LRRTM4: variants seen among roughly 807,000 people sequenced by gnomAD.
LRRTM4 encodes the protein leucine-rich repeat transmembrane neuronal protein 4.
Under a neutral mutation model 47.6 loss-of-function variants are expected in LRRTM4, and 25 were observed. The ratio of observed to expected loss-of-function variants is 0.53; its 90% CI spans 0.38 to 0.73. The LOEUF (loss-of-function observed/expected upper bound fraction) is 0.73, where lower values mean the gene tolerates loss of function less well. LRRTM4 is among the 30% of genes least tolerant of loss of function. The probability of loss-of-function intolerance (pLI) is 0.00; values close to 1 mark genes in which losing one functional copy is unlikely to be tolerated. For synonymous variants in LRRTM4, 311 were observed against 269.5 expected (o/e 1.15, Z -1.51); for missense variants, 638 against 713.4 (o/e 0.89, Z 1.20).
chr2:76,812,673 C>CTCTCTTTCTTTCTTTCTT (rs1670767696), intron 3 of LRRTM4, among the ~76,000 whole-genome samples: 2 of 147,934 alleles, frequency 1.4e-5, no homozygotes, highest in East Asian at 4.1e-4. Flanking sequence ...TACAAATAAG[C>CTCTCTTTCTTTCTTTCTT]TCTTTCTTTC....
chr2:77,204,250 T>C (rs1401138426), intron 3 of LRRTM4, among the ~76,000 whole-genome samples: 1 of 152,142 alleles, frequency 6.6e-6, no homozygotes, highest in Non-Finnish European at 1.5e-5. Flanking sequence ...CTTGCTCATG[T>C]ATAAAGAAAA....
intron 3 of LRRTM4, among the ~76,000 whole-genome samples, chr2:76,991,145 A>T (rs1003479185): frequency 6.6e-6 from 1 of 151,796 alleles, no homozygotes; most frequent in African/African-American, 2.4e-5. Context: ...CAACATAGGC[A>T]GTGTTAAGAG....
At chr2:76,972,841 T>C (rs75170359) in intron 3 of LRRTM4, among the ~76,000 whole-genome samples, 5,762 of 152,070 alleles carry the variant, frequency 0.038, 245 homozygotes, top group East Asian at 0.14. Flanking sequence ...TGTGTCTGAT[T>C]TATTATGTCA....
intron 3 of LRRTM4, among the ~76,000 whole-genome samples, chr2:77,207,866 CT>C (rs754540782): frequency 2.1e-3 from 88 of 42,608 alleles, no homozygotes; most frequent in African/African-American, 5.4e-3. Flanking sequence ...GGGAAAGTGG[CT>C]TTTTTTTTTT....
At chr2:76,807,654 C>G (rs984386116) in intron 3 of LRRTM4, among the ~76,000 whole-genome samples, 6 of 149,094 alleles carry the variant, frequency 4.0e-5, no homozygotes, top group Admixed American at 4.0e-4. Context: ...TGCAACGGTG[C>G]GATCTCAGCT....
chr2:76,969,407 C>A (rs1462161140), intron 3 of LRRTM4, among the ~76,000 whole-genome samples: 1 of 151,788 alleles, frequency 6.6e-6, no homozygotes, highest in Admixed American at 6.6e-5. Flanking sequence ...CCTCCAGAGG[C>A]AAATATTTAA....
At chr2:77,279,438 A>G (rs923588593) in intron 3 of LRRTM4, among the ~76,000 whole-genome samples, 1 of 151,926 alleles carries the variant, frequency 6.6e-6, no homozygotes, top group African/African-American at 2.4e-5. Context: ...CTGCTCTCCT[A>G]TGCATATGTT....
intron 3 of LRRTM4, among the ~76,000 whole-genome samples, chr2:77,434,067 T>G (rs1675491794): frequency 6.6e-6 from 1 of 152,110 alleles, no homozygotes; most frequent in Non-Finnish European, 1.5e-5. Flanking sequence ...GTAGACATAA[T>G]TGTCCAATGG....
chr2:76,817,616 C>T (rs1393340976), intron 3 of LRRTM4, among the ~76,000 whole-genome samples: 3 of 151,900 alleles, frequency 2.0e-5, no homozygotes, highest in Non-Finnish European at 2.9e-5. Flanking sequence ...TTCTTGGCAC[C>T]AGAAGTTCTG....
intron 3 of LRRTM4, among the ~76,000 whole-genome samples, chr2:76,834,753 T>C (rs1671459655): frequency 1.3e-5 from 2 of 152,072 alleles, no homozygotes; most frequent in African/African-American, 4.8e-5. Context: ...AGAAAATGTA[T>C]AGATCTCTTT....
chr2:76,774,280 C>T (rs1285552928), intron 3 of LRRTM4, among the ~76,000 whole-genome samples: 1 of 151,728 alleles, frequency 6.6e-6, no homozygotes, highest in Non-Finnish European at 1.5e-5. Context: ...CAACTTCTGA[C>T]TCCCCGGTTC....
intron 3 of LRRTM4, among the ~76,000 whole-genome samples, chr2:76,966,746 A>G (rs1376850085): frequency 6.6e-6 from 1 of 151,494 alleles, no homozygotes; most frequent in Non-Finnish European, 1.5e-5. Flanking sequence ...TACCAATTCC[A>G]ACATGATTTT....
intron 3 of LRRTM4, among the ~76,000 whole-genome samples, chr2:77,121,050 C>T (rs529340864): frequency 5.3e-4 from 80 of 151,648 alleles, no homozygotes; most frequent in Non-Finnish European, 9.2e-4. Context: ...AAGATAATGA[C>T]GAGAGGATGA....
chr2:77,497,912 C>T (rs1438906960), intron 3 of LRRTM4, among the ~76,000 whole-genome samples: 1 of 151,422 alleles, frequency 6.6e-6, no homozygotes, highest in African/African-American at 2.4e-5. Flanking sequence ...ATGTAATGTC[C>T]TATACTATGT....
rs147243475 is a variant in LRRTM4 at position 76,794,116 on chromosome 2, A to G, written c.1552-45200T>C. 3.9e-5 allele frequency among the ~76,000 whole-genome samples: 6 copies of G among 152,262 alleles called. No homozygotes were observed. In the East Asian group the frequency reaches 1.2e-3, roughly 29 times the overall value. On this transcript the variant is annotated intron_variant, in intron 3 of 3. Coordinates refer to ENST00000409884, the MANE Select transcript of LRRTM4 (RefSeq NM_001134745.3). ...GAGCCACATCCCACATGGAGCGAAGATTTGATTTTATGGAATGATTGATGA... is the reference window on the plus strand; with the variant it reads ...GAGCCACATCCCACATGGAGCGAAGGTTTGATTTTATGGAATGATTGATGA...
intron 3 of LRRTM4, among the ~76,000 whole-genome samples, chr2:77,143,677 A>T (rs1307237436): frequency 6.6e-6 from 1 of 152,238 alleles, no homozygotes; most frequent in Non-Finnish European, 1.5e-5. Context: ...TCTGCAAGAT[A>T]TGCATATGAA....
intron 3 of LRRTM4, among the ~76,000 whole-genome samples, chr2:76,817,395 C>G (rs893279088): frequency 7.2e-5 from 11 of 151,892 alleles, no homozygotes; most frequent in South Asian, 2.1e-4. Flanking sequence ...AACAATGAAA[C>G]CTGTGCAAAG....
chr2:77,159,246 G>A (rs1226886057), intron 3 of LRRTM4, among the ~76,000 whole-genome samples: 1 of 152,066 alleles, frequency 6.6e-6, no homozygotes, highest in Admixed American at 6.6e-5. Context: ...ACCACTAATA[G>A]CCACCTGTTG....
intron 3 of LRRTM4, among the ~76,000 whole-genome samples, chr2:77,396,461 G>T (rs1285578608): frequency 6.6e-6 from 1 of 151,842 alleles, no homozygotes; most frequent in Non-Finnish European, 1.5e-5. Flanking sequence ...AGACAGCTTT[G>T]CATACTGTGA....
Sources: gnomAD v4.1 joint callset for allele counts (sites outside exome capture counted in the v4.1 genomes callset) on GRCh38, gnomAD v4.1.1 for gene constraint, MANE v1.5 for transcripts, NCBI Gene and HGNC (gene_info 2026-07-23, HGNC 2026-07-21) for gene names.